Variants in TEAD2 observed in about 807,000 individuals in gnomAD.
TEAD2 encodes transcriptional enhancer factor TEF-4.
Under a neutral mutation model 61.4 loss-of-function variants are expected in TEAD2, and 51 were observed. The observed-to-expected ratio is 0.83, with a 90% CI of 0.66 to 1.05. The LOEUF (loss-of-function observed/expected upper bound fraction) is 1.05. Ranked by LOEUF, TEAD2 falls within the 50% of genes least tolerant of loss-of-function variation. The pLI, the probability that TEAD2 is intolerant of heterozygous loss-of-function variation, is 0.00. For synonymous variants in TEAD2, 244 were observed against 243.2 expected (o/e 1.00, Z -0.03); for missense variants, 509 against 600.0 (o/e 0.85, Z 1.58).
chr19:49,358,159 G>A (rs1345855921), intron 3 of TEAD2, among the ~76,000 whole-genome samples: 2 of 152,200 alleles, frequency 1.3e-5, no homozygotes, highest in Non-Finnish European at 2.9e-5. Context: ...GCTTGAACCC[G>A]GGAGGCGGGG....
In TEAD2 at chr19:49,347,221, G is replaced by C. The variant is rs763194507; in HGVS notation, c.890C>G (p.Pro297Arg). ...CTTGACCAGGAAGAAGGCATGGGGGGGGCCACGATCATATAGCTCTCGGAG... is the reference window on the plus strand; with the variant it reads ...CTTGACCAGGAAGAAGGCATGGGGGCGGCCACGATCATATAGCTCTCGGAG... ...GGLRELYDRG[P>R]PHAFFLVKFW... The change falls in exon 10 of 13, where the codon CCC (proline) becomes CGC (arginine). Residue 297 changes from proline to arginine, a missense_variant. Coordinates refer to ENST00000593945, the MANE Select transcript of TEAD2 (RefSeq NM_001256660.2). 5.0e-6 allele frequency: 8 copies of C among 1,613,906 alleles called. No individual in the cohort carries two copies. The highest frequency in any genetic ancestry group is 5.9e-6 in the Non-Finnish European group (7 of 1,179,964).
intron 10 of TEAD2, among the ~76,000 whole-genome samples, chr19:49,344,002 C>T (rs1427571921): frequency 6.6e-6 from 1 of 152,024 alleles, no homozygotes; most frequent in African/African-American, 2.4e-5. Flanking sequence ...CATGCCACCA[C>T]ATCCAGCTAA....
intron 1 of TEAD2, chr19:49,360,456 A>G (rs533388518): frequency 2.1e-4 from 57 of 267,478 alleles, no homozygotes; most frequent in Admixed American, 2.4e-4. Flanking sequence ...ATTTCTTGGA[A>G]AGCTGAGGAT....
chr19:49,361,030 GA>G (rs1164447027), intron 1 of TEAD2, among the ~76,000 whole-genome samples: 1 of 77,246 alleles, frequency 1.3e-5, no homozygotes. Flanking sequence ...AGACCAGAGG[GA>G]GGGGGGGACA....
intron 9 of TEAD2, among the ~76,000 whole-genome samples, chr19:49,348,061 T>TC (rs1971764856): frequency 6.6e-6 from 1 of 152,122 alleles, no homozygotes. Context: ...CAATCTTGAC[T>TC]CTCTCCCTTC....
chr19:49,340,995 G>T lies in TEAD2; in HGVS notation c.*329C>A. On this transcript the variant is annotated 3_prime_UTR_variant, in exon 13 of 13. Transcript: ENST00000593945. ...GAGGAGTGGGGGTGGCCTGTCAGGG[G>T]CTGAAAAGAAAAGCCAGTGCTGTAC... is the stretch of plus-strand genomic sequence containing the variant. 4.1e-6 allele frequency: 1 copy of T among 242,000 alleles called. No homozygotes were observed. Among genetic ancestry groups the T allele is most frequent in the Non-Finnish European group, 8.1e-6 (1 of 122,830 alleles). 15.0% of individuals were successfully genotyped at this position (242,000 alleles called of 1,614,324 possible). A position where few individuals can be genotyped will look rare whatever the true frequency, so the allele number is the denominator to read the frequency against.
Position 49,341,496 on chromosome 19 carries a change from G to GC in TEAD2, c.1243-60dup. The GC allele has an allele frequency of 1.4e-6, 2 of 1,391,512 alleles. No individual in the cohort carries two copies. The highest frequency in any genetic ancestry group is 2.3e-5 in the East Asian group (1 of 43,316). The allele number at this position is 1,391,512 out of a possible 1,614,324, so 86.2% of individuals were successfully genotyped here. On this transcript the variant is annotated intron_variant, in intron 12 of 12. Coordinates refer to ENST00000593945, the MANE Select transcript of TEAD2 (RefSeq NM_001256660.2). The surrounding 1 kb of genome is among the most constrained non-coding windows in gnomAD (Gnocchi z 4.2). ...TAGAAGGGAGGGCAGGGACCCCTGT[G>GC]CCCCCCTGCCAAGCTATCATGGAAT...
intron 7 of TEAD2, among the ~76,000 whole-genome samples, chr19:49,353,324 C>T (rs1972145539): frequency 6.6e-6 from 1 of 152,022 alleles, no homozygotes; most frequent in African/African-American, 2.4e-5. Context: ...GTCTCGAACT[C>T]CTGACCTCAA....
chr19:49,361,245 G>A (rs1366321423), intron 1 of TEAD2, among the ~76,000 whole-genome samples: 1 of 145,950 alleles, frequency 6.9e-6, no homozygotes, highest in Admixed American at 6.8e-5. Context: ...GAGACCCAGA[G>A]AGAGGGGGAC....
At chr19:49,360,153 G>T in intron 1 of TEAD2, 72 bp from the exon 2 acceptor site, 1 of 1,249,758 alleles carries the variant, frequency 8.0e-7, no homozygotes, top group Non-Finnish European at 1.1e-6. Context: ...GAGAGGGCTG[G>T]GACTCTGGAC....
rs758210362 is a variant in TEAD2, at chr19:49,348,847, TAG to T, written c.605-4_605-3del. 10 of 1,534,048 alleles carry T rather than the reference TAG, an allele frequency of 6.5e-6. No individual in the cohort carries two copies. The highest frequency in any genetic ancestry group is 3.7e-5 in the South Asian group (3 of 81,204). On this transcript the variant is annotated splice_polypyrimidine_tract_variant and splice_region_variant and intron_variant, in intron 8 of 12. Transcript: ENST00000593945. The stretch of plus-strand genomic sequence containing the variant: ...AGAGGGCTTGGGGGGGCTCGTACCC[TAG>T]AGAGAGAGAAGAAAGAACAATACAA...
At chr19:49,348,989 A>T (rs1971830776) in intron 8 of TEAD2, 144 bp from the exon 9 acceptor site, 1 of 1,110,946 alleles carries the variant, frequency 9.0e-7, no homozygotes, top group African/African-American at 1.6e-5. Context: ...AGAAGTGGCC[A>T]TGTGACACAG....
intron 7 of TEAD2, among the ~76,000 whole-genome samples, chr19:49,353,975 T>G (rs1972203369): frequency 1.3e-5 from 2 of 149,298 alleles, no homozygotes; most frequent in Non-Finnish European, 3.0e-5. Flanking sequence ...TTTTTTGGTG[T>G]TTTTAGTAGA....
At chr19:49,352,577 C>T (rs1176317548) in intron 7 of TEAD2, among the ~76,000 whole-genome samples, 1 of 152,150 alleles carries the variant, frequency 6.6e-6, no homozygotes, top group Non-Finnish European at 1.5e-5. Flanking sequence ...GCTCTTGTTG[C>T]CCAGGCCGGA....
rs770709642 is a variant in TEAD2, at chr19:49,343,319, C to T, written c.1001G>A (p.Ser334Asn). The change falls in exon 11 of 13, where the codon AGC becomes AAC. Residue 334 changes from serine (S) to asparagine (N), a missense_variant. Transcript: ENST00000593945. Reference sequence around the variant, plus strand: ...GTGTTCCAGGCTCTCATACTGGCTGCTCACTCCGTAGAAGCCACCACTGCT... The same window carrying T: ...GTGTTCCAGGCTCTCATACTGGCTGTTCACTCCGTAGAAGCCACCACTGCT... The part of the protein sequence containing the change: ...SISSGGFYGV[S>N]SQYESLEHMT... 5.0e-6 allele frequency: 8 copies of T among 1,613,506 alleles called. No homozygotes were observed. Among genetic ancestry groups the T allele is most frequent in the Non-Finnish European group, 6.8e-6 (8 of 1,179,950 alleles).
chr19:49,358,823 G>A (rs543974612), intron 3 of TEAD2, among the ~76,000 whole-genome samples: 23 of 151,718 alleles, frequency 1.5e-4, no homozygotes, highest in African/African-American at 5.5e-4. Context: ...AGTAGAGACG[G>A]GGTTTCACCA....
At chr19:49,348,240 A>C (rs1370666704) in intron 9 of TEAD2, among the ~76,000 whole-genome samples, 1 of 152,172 alleles carries the variant, frequency 6.6e-6, no homozygotes. Flanking sequence ...TTCAGTCCCT[A>C]AGAGTTAGGA....
intron 7 of TEAD2, among the ~76,000 whole-genome samples, chr19:49,352,559 A>G (rs143020096): frequency 4.4e-4 from 67 of 152,100 alleles, no homozygotes; most frequent in African/African-American, 1.4e-3. Context: ...TTTTTGAGAC[A>G]GAGTTTTGCT....
At chr19:49,345,732 C>T (rs1971585843) in intron 10 of TEAD2, among the ~76,000 whole-genome samples, 1 of 152,114 alleles carries the variant, frequency 6.6e-6, no homozygotes, top group Non-Finnish European at 1.5e-5. Context: ...ATCCAGGCAA[C>T]ATTTATTGAG....
Sources: gnomAD v4.1 joint callset for allele counts (sites outside exome capture counted in the v4.1 genomes callset) on GRCh38, gnomAD v4.1.1 for gene constraint, Gnocchi (gnomAD v3.1) non-coding constraint, MANE v1.5 for transcripts, NCBI Gene and HGNC (gene_info 2026-07-23, HGNC 2026-07-21) for gene names.